Variants in FAM241A observed in about 807,000 individuals in gnomAD.
FAM241A encodes the protein uncharacterized protein FAM241A.
In FAM241A, 7 loss-of-function variants were observed where a neutral mutation model predicts 12.2. That is an observed-to-expected ratio of 0.58 (90% CI 0.33 to 1.08). FAM241A has a LOEUF of 1.08. Among genes scored for constraint, FAM241A ranks in the 50% least tolerant of loss-of-function variants. The pLI, the probability that FAM241A is intolerant of heterozygous loss-of-function variation, is 0.04. For synonymous variants in FAM241A, 74 were observed against 68.2 expected, an observed-to-expected ratio of 1.08 and a Z score of -0.42; for missense variants, 161 against 169.7, an observed-to-expected ratio of 0.95 and a Z score of 0.29.
chr4:112,180,527 G>T (rs993918016), intron 1 of FAM241A, among the ~76,000 whole-genome samples: 1 of 152,040 alleles, frequency 6.6e-6, no homozygotes, highest in East Asian at 1.9e-4. Flanking sequence ...CATTATACCA[G>T]TGTTTCTCAA....
intron 1 of FAM241A, among the ~76,000 whole-genome samples, chr4:112,147,963 G>A (rs1291634044): frequency 1.3e-5 from 2 of 152,036 alleles, no homozygotes; most frequent in South Asian, 2.1e-4. Context: ...GAAATTAGAG[G>A]CAGGAGCTAG....
chr4:112,171,813 C>T lies in FAM241A; in HGVS notation c.154-14880C>T, dbSNP rs566643493. Among the ~76,000 whole-genome samples the T allele has an allele frequency of 2.6e-4, 39 of 151,982 alleles. No homozygotes were observed. In the South Asian group the frequency reaches 6.0e-3, roughly 23 times the overall value. On this transcript the variant is annotated intron_variant, in intron 1 of 1. Coordinates refer to ENST00000309733, the MANE Select transcript of FAM241A (RefSeq NM_152400.3). ...GGCGGAGGTTGCAGTGAGCCGAGAT[C>T]GCGCCACTGCACTCCAACCTGGGTG... is the stretch of plus-strand genomic sequence containing the variant.
chr4:112,145,948 G>A (rs916714639), intron 1 of FAM241A, among the ~76,000 whole-genome samples: 9 of 151,846 alleles, frequency 5.9e-5, no homozygotes, highest in Non-Finnish European at 1.0e-4. Context: ...CGCCAGCGCC[G>A]GCCCCGGGGT....
At chr4:112,146,772 G>T (rs1723146019) in intron 1 of FAM241A, among the ~76,000 whole-genome samples, 1 of 152,216 alleles carries the variant, frequency 6.6e-6, no homozygotes, top group South Asian at 2.1e-4. Context: ...GGTTACTTAG[G>T]AAACAGAGTA....
intron 1 of FAM241A, chr4:112,171,142 A>G (rs1307544030): frequency 4.1e-5 from 18 of 436,598 alleles, no homozygotes; most frequent in Non-Finnish European, 5.1e-5. Flanking sequence ...CAGGAAAAAA[A>G]ATGCAAAAAC....
At chr4:112,176,240 C>G (rs1723818711) in intron 1 of FAM241A, among the ~76,000 whole-genome samples, 1 of 152,042 alleles carries the variant, frequency 6.6e-6, no homozygotes, top group Admixed American at 6.5e-5. Context: ...ATCACTAAGG[C>G]ATTAATTATC....
intron 1 of FAM241A, among the ~76,000 whole-genome samples, chr4:112,170,548 A>G (rs1414315550): frequency 6.6e-6 from 1 of 152,188 alleles, no homozygotes; most frequent in Non-Finnish European, 1.5e-5. Flanking sequence ...TGAGGTGACT[A>G]CTAAGCGACT....
In FAM241A at chr4:112,187,005, C is replaced by T; in HGVS notation, c.*67C>T. The stretch of plus-strand genomic sequence containing the variant: ...ATGTAATTGAAGAAGTTATATATTT[C>T]ACTTTTTGACAACCGAAAAAGTTTG... On this transcript the variant is annotated 3_prime_UTR_variant, in exon 2 of 2. Coordinates refer to ENST00000309733, the MANE Select transcript of FAM241A (RefSeq NM_152400.3). 6.6e-7 allele frequency: 1 copy of T among 1,525,508 alleles called. No homozygotes were observed. The allele number at this position is 1,525,508 out of a possible 1,614,324, so 94.5% of individuals were successfully genotyped here. A position where few individuals can be genotyped will look rare whatever the true frequency, so the allele number is the denominator to read the frequency against.
intron 1 of FAM241A, among the ~76,000 whole-genome samples, chr4:112,166,886 G>A (rs1002888666): frequency 2.4e-4 from 36 of 150,210 alleles, no homozygotes; most frequent in African/African-American, 6.9e-4. Flanking sequence ...AGGCCGAGGC[G>A]GGCGGATCAC....
At chr4:112,160,162 T>C (rs1296416642) in intron 1 of FAM241A, among the ~76,000 whole-genome samples, 1 of 152,194 alleles carries the variant, frequency 6.6e-6, no homozygotes, top group East Asian at 1.9e-4. Context: ...ATCCCAGCAC[T>C]TTGGGAGGCC....
At chr4:112,180,658 C>A (rs929607330) in intron 1 of FAM241A, among the ~76,000 whole-genome samples, 1 of 151,726 alleles carries the variant, frequency 6.6e-6, no homozygotes, top group African/African-American at 2.4e-5. Flanking sequence ...AAAAAAAAAA[C>A]TTTTTTTCAC....
At position 112,194,922 on chromosome 4, in the gene FAM241A, A is replaced by G. The variant is rs904443604; in HGVS notation, c.*7984A>G. 1.3e-5 allele frequency: 2 copies of G among 152,156 alleles called. No individual in the cohort carries two copies. The highest frequency in any genetic ancestry group is 4.8e-5 in the African/African-American group (2 of 41,402). 9.4% of individuals were successfully genotyped at this position (152,156 alleles called of 1,614,324 possible). A position where few individuals can be genotyped will look rare whatever the true frequency, so the allele number is the denominator to read the frequency against. ...AGCAGGAGTGGTTGGGATTACAGGC[A>G]CATGCTGGCATGCCTGTATTTTTGT... On this transcript the variant is annotated 3_prime_UTR_variant, in exon 2 of 2. Transcript: ENST00000309733.
intron 1 of FAM241A, among the ~76,000 whole-genome samples, chr4:112,159,594 G>A (rs763459): frequency 0.15 from 22,762 of 152,038 alleles, 2,049 homozygotes; most frequent in East Asian, 0.4. Context: ...GACCAAGTGC[G>A]ATTTATCCCA....
rs1723375658 is a variant in FAM241A, at chr4:112,157,374, A to G, written c.153+11641A>G. On this transcript the variant is annotated intron_variant, in intron 1 of 1. Transcript: ENST00000309733. ...ACTTTAAAATAACTCAAAGACCATGAAGATTAATAATATTCTAAGCAATGC... is the reference window on the plus strand; with the variant it reads ...ACTTTAAAATAACTCAAAGACCATGGAGATTAATAATATTCTAAGCAATGC... 4.6e-5 allele frequency among the ~76,000 whole-genome samples: 7 copies of G among 152,158 alleles called. No individual in the cohort carries two copies. The South Asian group carries it at 1.4e-3, about 31-fold the overall frequency.
rs754155304 is a variant in FAM241A at position 112,189,695 on chromosome 4, G to A, written c.*2757G>A. On this transcript the variant is annotated 3_prime_UTR_variant, in exon 2 of 2. Transcript: ENST00000309733. The stretch of plus-strand genomic sequence containing the variant: ...CCTGGCTACAGGCAGATCATTCCTA[G>A]TCCAGTAGTGTGCTGGAGCAAGCTT... 1.3e-5 allele frequency: 2 copies of A among 152,148 alleles called. No individual in the cohort carries two copies. The highest frequency in any genetic ancestry group is 2.9e-5 in the Non-Finnish European group (2 of 68,038). 9.4% of individuals were successfully genotyped at this position (152,148 alleles called of 1,614,324 possible).
intron 1 of FAM241A, among the ~76,000 whole-genome samples, chr4:112,166,500 G>C (rs1361536412): frequency 6.6e-6 from 1 of 152,070 alleles, no homozygotes; most frequent in Non-Finnish European, 1.5e-5. Context: ...GAAGGGGTGA[G>C]GTTGAGAAGG....
intron 1 of FAM241A, among the ~76,000 whole-genome samples, chr4:112,179,975 CAT>C (rs1467790321): frequency 1.5e-5 from 2 of 135,834 alleles, no homozygotes; most frequent in African/African-American, 5.6e-5. Flanking sequence ...ATATATATCA[CAT>C]ATATTACATA....
At chr4:112,186,606 T>C (rs1222292015) in intron 1 of FAM241A, 87 bp from the exon 2 acceptor site, 1 of 1,238,578 alleles carries the variant, frequency 8.1e-7, no homozygotes, top group Non-Finnish European at 1.1e-6. Context: ...GCCCAGCACT[T>C]TGGAAGATGA....
Position 112,145,776 on chromosome 4 carries a change from G to A in FAM241A, c.153+43G>A, listed in dbSNP as rs1578367252. 4 of 1,114,920 alleles carry A rather than the reference G, an allele frequency of 3.6e-6. No individual in the cohort carries two copies. The East Asian group carries it at 1.4e-4, about 38-fold the overall frequency. 69.1% of individuals were successfully genotyped at this position (1,114,920 alleles called of 1,614,324 possible). On this transcript the variant is annotated intron_variant, in intron 1 of 1. Transcript: ENST00000309733. ...CGGCGGCGAAGCGGCCGGGTCGGGG[G>A]CCGCGAGCCCCGCCCGGCGTTGGAG... is the stretch of plus-strand genomic sequence containing the variant.
Sources: allele counts gnomAD v4.1 joint callset (sites outside exome capture counted in the v4.1 genomes callset), GRCh38; gene constraint gnomAD v4.1.1; transcripts MANE v1.5; gene names NCBI Gene and HGNC (gene_info 2026-07-23, HGNC 2026-07-21).